The following PTP4A1 variants were observed in gnomAD, a reference collection of about 807,000 sequenced individuals.
The protein encoded by PTP4A1 is protein tyrosine phosphatase 4A1, also known as protein tyrosine phosphatase type IVA 1.
A neutral mutation model predicts 20.5 loss-of-function variants in PTP4A1; 9 were observed. The observed-to-expected ratio is 0.44, with a 90% confidence interval of 0.26 to 0.77. The LOEUF is 0.77. Among genes scored for constraint, PTP4A1 ranks in the 30% least tolerant of loss-of-function variants. PTP4A1 has a pLI of 0.19. For missense variants in PTP4A1, 137 were observed against 218.8 expected, an observed-to-expected ratio of 0.63 and a Z score of 2.36; for synonymous variants, 78 against 67.4, an observed-to-expected ratio of 1.16 and a Z score of -0.77.
Position 63,578,877 on chromosome 6 carries a change from TTAAA to T in PTP4A1, c.199-18_199-15del. ...TGTTTATATTAATGATCTAAAATGT[TTAAA>T]TATTCTTCTGACTTAGGATTGGCCT... On this transcript the variant is annotated splice_polypyrimidine_tract_variant and intron_variant, in intron 3 of 5. Transcript: ENST00000626021. The T allele has an allele frequency of 2.7e-6, 4 of 1,505,146 alleles. No individual in the cohort carries two copies. The highest frequency in any genetic ancestry group is 2.7e-6 in the Non-Finnish European group (3 of 1,121,704). The allele number at this position is 1,505,146 out of a possible 1,614,324, so 93.2% of individuals were successfully genotyped here. A position where few individuals can be genotyped will look rare whatever the true frequency, so the allele number is the denominator to read the frequency against.
At chr6:63,543,815 C>T (rs1477360441) in intron 2 of PTP4A1, among the ~76,000 whole-genome samples, 3 of 152,216 alleles carry the variant, frequency 2.0e-5, no homozygotes, top group African/African-American at 7.2e-5. Context: ...TTCTACCCAG[C>T]TCACAGTGTA....
chr6:63,579,260 TCCAGTACTTGTTGCC>T lies in PTP4A1; in HGVS notation c.335_349del (p.Pro112_Ala116del). The T allele has an allele frequency of 6.2e-7, 1 of 1,608,964 alleles. No individual in the cohort carries two copies. On this transcript the variant is annotated inframe_deletion, in exon 5 of 6. Transcript: ENST00000626021. Reference sequence around the variant, plus strand: ...ATCAAAATTCTTACCTCACCAGAGCTCCAGTACTTGTTGCCCTAGCATTAATTGAAGGTGGAATGA... The same window carrying T: ...ATCAAAATTCTTACCTCACCAGAGCTCTAGCATTAATTGAAGGTGGAATGA...
intron 2 of PTP4A1, among the ~76,000 whole-genome samples, chr6:63,535,154 A>T (rs1775664251): frequency 1.3e-5 from 2 of 152,158 alleles, no homozygotes; most frequent in African/African-American, 2.4e-5. Context: ...GGATGAAGAA[A>T]GATTTAGAAG....
rs372982261 is a variant in PTP4A1 at position 63,529,129 on chromosome 6, ATG to A, written c.-640+1053_-640+1054del. 1.0e-3 allele frequency among the ~76,000 whole-genome samples: 140 copies of A among 136,196 alleles called. 3 individuals are homozygous for A. Among genetic ancestry groups the A allele is most frequent in the Middle Eastern group, 3.6e-3 (1 of 278 alleles). The allele number at this position is 136,196 out of a possible 152,430, so 89.3% of individuals were successfully genotyped here. On this transcript the variant is annotated intron_variant, in intron 2 of 3. Coordinates refer to the PTP4A1 transcript ENST00000639568. ...TGTGTATATATATATATGTATATAT[ATG>A]TGTGTGTATATATATATGTATATAT...
At chr6:63,544,367 G>T (rs912534248) in intron 2 of PTP4A1, among the ~76,000 whole-genome samples, 1 of 152,074 alleles carries the variant, frequency 6.6e-6, no homozygotes, top group African/African-American at 2.4e-5. Flanking sequence ...TTGCAAGGAA[G>T]TTGCAGACAT....
At chr6:63,564,235 C>T (rs922453390) in intron 3 of PTP4A1, among the ~76,000 whole-genome samples, 3 of 149,834 alleles carry the variant, frequency 2.0e-5, no homozygotes, top group African/African-American at 7.4e-5. Flanking sequence ...AAGATTGCAC[C>T]ATTGCACTCC....
intron 2 of PTP4A1, among the ~76,000 whole-genome samples, chr6:63,546,275 A>T (rs2149487045): frequency 6.6e-6 from 1 of 152,362 alleles, no homozygotes; most frequent in East Asian, 1.9e-4. Context: ...TAAGTGAAAT[A>T]AAACAGGCAC....
intron 1 of PTP4A1, among the ~76,000 whole-genome samples, chr6:63,522,606 T>C (rs771589688): frequency 4.6e-5 from 7 of 152,222 alleles, no homozygotes; most frequent in Non-Finnish European, 1.0e-4. Context: ...TTTGTATTAG[T>C]TAAAAGAACA....
At chr6:63,528,219 C>G (rs1775270937) in intron 2 of PTP4A1, 1 of 152,158 alleles carries the variant, frequency 6.6e-6, no homozygotes, top group Non-Finnish European at 1.5e-5. Context: ...TGTAAAATTT[C>G]AAACACACTA....
At chr6:63,550,975 T>C (rs1194967168) in intron 3 of PTP4A1, among the ~76,000 whole-genome samples, 2 of 152,124 alleles carry the variant, frequency 1.3e-5, no homozygotes, top group Non-Finnish European at 2.9e-5. Context: ...AATCTAATTG[T>C]ATATACATGA....
At chr6:63,577,067 TG>T in intron 2 of PTP4A1, 82 bp downstream of exon 2, 1 of 1,093,580 alleles carries the variant, frequency 9.1e-7, no homozygotes, top group Non-Finnish European at 1.3e-6. Flanking sequence ...AAAACTACTT[TG>T]GAAAAAATGA....
At chr6:63,535,202 A>AC (rs61486496) in intron 2 of PTP4A1, among the ~76,000 whole-genome samples, 13,239 of 152,232 alleles carry the variant, frequency 0.087, 622 homozygotes, top group East Asian at 0.16. Context: ...ACAGTGGCTC[A>AC]GCCTGTAATT....
rs2149519415 is a variant in PTP4A1, at chr6:63,581,423, C to CT, written c.*1249_*1250insT. 1 of 152,628 alleles carries CT rather than the reference C, an allele frequency of 6.6e-6. No individual in the cohort carries two copies. The highest frequency in any genetic ancestry group is 1.9e-4 in the East Asian group (1 of 5,188). 9.5% of individuals were successfully genotyped at this position (152,628 alleles called of 1,614,324 possible). ...TAAAAACTTAGTGCGAGAGCTGAAA[C>CT]ATCTAAATAAATAATGACATGCATT... is the stretch of plus-strand genomic sequence containing the variant. On this transcript the variant is annotated 3_prime_UTR_variant, in exon 6 of 6. Transcript: ENST00000626021.
intron 1 of PTP4A1, among the ~76,000 whole-genome samples, chr6:63,523,723 T>C (rs1775036971): frequency 6.6e-6 from 1 of 151,996 alleles, no homozygotes. Context: ...ATTATAAGAC[T>C]TTTTTTGCGA....
intron 3 of PTP4A1, among the ~76,000 whole-genome samples, chr6:63,556,777 G>C (rs968350081): frequency 6.6e-6 from 1 of 152,112 alleles, no homozygotes; most frequent in Non-Finnish European, 1.5e-5. Flanking sequence ...AAACAGTAAC[G>C]TAAAAGTGAG....
upstream of PTP4A1, among the ~76,000 whole-genome samples, chr6:63,519,555 A>G (rs1774848646): frequency 6.6e-6 from 1 of 152,190 alleles, no homozygotes; most frequent in African/African-American, 2.4e-5. Context: ...AAGGGTAAAG[A>G]CACCACATAT....
intron 2 of PTP4A1, among the ~76,000 whole-genome samples, chr6:63,536,237 G>A (rs956329526): frequency 6.6e-6 from 1 of 152,182 alleles, no homozygotes; most frequent in Non-Finnish European, 1.5e-5. Flanking sequence ...GGCTGAGGCA[G>A]GAGAATCGCT....
At chr6:63,562,222 A>C (rs1581938208) in intron 3 of PTP4A1, among the ~76,000 whole-genome samples, 1 of 143,846 alleles carries the variant, frequency 7.0e-6, no homozygotes, top group East Asian at 2.0e-4. Context: ...TTTTTGAGAC[A>C]GAGTTTTGCT....
intron 3 of PTP4A1, among the ~76,000 whole-genome samples, chr6:63,562,762 G>T (rs1263152568): frequency 2.0e-5 from 3 of 152,060 alleles, no homozygotes; most frequent in Non-Finnish European, 4.4e-5. Context: ...TAGGAGTCCC[G>T]CTGCTATATT....
Sources: gnomAD v4.1 joint callset for allele counts (sites outside exome capture counted in the v4.1 genomes callset) on GRCh38, gnomAD v4.1.1 for gene constraint, MANE v1.5 for transcripts, NCBI Gene and HGNC (gene_info 2026-07-23, HGNC 2026-07-21) for gene names.